The following SEZ6 variants were observed in gnomAD, a reference collection of about 807,000 sequenced individuals.
SEZ6 encodes seizure protein 6 homolog.
Under a neutral mutation model 101.0 loss-of-function variants are expected in SEZ6, and 53 were observed. The observed-to-expected ratio is 0.52, with a 90% CI of 0.42 to 0.66. SEZ6 has a LOEUF of 0.66. SEZ6 is among the 30% of genes least tolerant of loss of function. The probability of loss-of-function intolerance (pLI) is 0.00; values close to 1 mark genes in which losing one functional copy is unlikely to be tolerated. For synonymous variants in SEZ6, 488 were observed against 512.2 expected, an observed-to-expected ratio of 0.95 and a Z score of 0.64; for missense variants, 1,102 against 1,289.4, an observed-to-expected ratio of 0.85 and a Z score of 2.23.
chr17:28,962,175 C>T (rs2040987788), intron 5 of SEZ6, among the ~76,000 whole-genome samples: 1 of 152,210 alleles, frequency 6.6e-6, no homozygotes, highest in Non-Finnish European at 1.5e-5. Context: ...TGTGTGCTCA[C>T]TATCTTGTGC....
At chr17:28,976,870 A>G (rs995933606) in intron 3 of SEZ6, among the ~76,000 whole-genome samples, 12 of 151,822 alleles carry the variant, frequency 7.9e-5, no homozygotes, top group African/African-American at 2.9e-4. Flanking sequence ...AGGTGTCATC[A>G]CCTCCAGGAA....
At chr17:29,001,034 C>T (rs2052949069) in intron 1 of SEZ6, among the ~76,000 whole-genome samples, 1 of 152,112 alleles carries the variant, frequency 6.6e-6, no homozygotes, top group Non-Finnish European at 1.5e-5. Context: ...CCCTGAGCCA[C>T]CTCAGGCTGA....
At chr17:28,966,667 G>A (rs974578648) in intron 4 of SEZ6, among the ~76,000 whole-genome samples, 7 of 152,160 alleles carry the variant, frequency 4.6e-5, no homozygotes, top group African/African-American at 1.4e-4. Context: ...GATGGTATCA[G>A]GTAAATGGGA....
chr17:28,964,217 G>T, intron 4 of SEZ6, 70 bp from the exon 5 acceptor site: 1 of 1,484,778 alleles, frequency 6.7e-7, no homozygotes, highest in South Asian at 1.3e-5. Flanking sequence ...CATTGGTTGG[G>T]GGAGGTCTGC....
intron 4 of SEZ6, among the ~76,000 whole-genome samples, chr17:28,967,203 A>G (rs1041347157): frequency 1.3e-5 from 2 of 152,188 alleles, no homozygotes; most frequent in South Asian, 4.1e-4. Context: ...ATAGCACCTC[A>G]CATCTACATG....
chr17:28,981,758 G>C lies in SEZ6; in HGVS notation c.337C>G (p.Gln113Glu). The C allele has an allele frequency of 6.2e-7, 1 of 1,611,432 alleles. No homozygotes were observed. Among genetic ancestry groups the C allele is most frequent in the Non-Finnish European group, 8.5e-7 (1 of 1,177,958 alleles). ...CTGGTAAAGACAGGGCGGCTGTCCT[G>C]GTTGGCCAGGCGGGGAAGGGGACTT... is the stretch of plus-strand genomic sequence containing the variant. Reference protein sequence around the residue: ...TPSPLPRLANQDSRPVFTSPT... With the variant: ...TPSPLPRLANEDSRPVFTSPT... Residue 113 changes from glutamine to glutamate, a missense_variant, in exon 2 of 17, where the codon CAG (glutamine) becomes GAG (glutamate). By Grantham distance (29) the Gln-to-Glu change is conservative (BLOSUM62 2). Coordinates refer to ENST00000317338, the MANE Select transcript of SEZ6 (RefSeq NM_178860.5).
At chr17:28,964,283 A>G (rs2041029799) in intron 4 of SEZ6, 136 bp from the exon 5 acceptor site, 2 of 872,590 alleles carry the variant, frequency 2.3e-6, no homozygotes. Flanking sequence ...GAGTTCCAAA[A>G]CAACTCCAAT....
chr17:28,979,709 C>A lies in SEZ6; in HGVS notation c.829G>T (p.Val277Phe). Residue 277 changes from valine to phenylalanine, a missense_variant, in exon 3 of 17, where the codon GTC becomes TTC. By Grantham distance (50) the Val-to-Phe change is conservative. Transcript: ENST00000317338. Reference sequence around the variant, plus strand: ...ATTTCCACGCCATAGCCAGGGTAGACAGAGATGTAGAAGAAGCAGTCCAGG... The same window carrying A: ...ATTTCCACGCCATAGCCAGGGTAGAAAGAGATGTAGAAGAAGCAGTCCAGG... ...VGLDCFFYISVYPGYGVEIKV... is the reference protein window; with the variant it reads ...VGLDCFFYISFYPGYGVEIKV... 1 of 1,614,002 alleles carries A rather than the reference C, an allele frequency of 6.2e-7. No homozygotes were observed. The highest frequency in any genetic ancestry group is 8.5e-7 in the Non-Finnish European group (1 of 1,179,888).
At chr17:28,986,793 T>C (rs2041390844) in intron 1 of SEZ6, among the ~76,000 whole-genome samples, 1 of 152,226 alleles carries the variant, frequency 6.6e-6, no homozygotes, top group Non-Finnish European at 1.5e-5. Context: ...CAAGCCTCTG[T>C]CTGCTCATCT....
chr17:29,001,701 G>C (rs971875156), intron 1 of SEZ6, among the ~76,000 whole-genome samples: 7 of 152,162 alleles, frequency 4.6e-5, no homozygotes, highest in African/African-American at 1.7e-4. Flanking sequence ...TGGCTGGGTG[G>C]GTCGGCTTCC....
At chr17:28,980,327 T>A (rs1182306839) in intron 2 of SEZ6, among the ~76,000 whole-genome samples, 1 of 151,438 alleles carries the variant, frequency 6.6e-6, no homozygotes, top group Non-Finnish European at 1.5e-5. Flanking sequence ...CCTGCTCAGC[T>A]TCCCGAGTAG....
chr17:28,974,857 A>G (rs1358524039), intron 3 of SEZ6, among the ~76,000 whole-genome samples: 6 of 152,232 alleles, frequency 3.9e-5, no homozygotes, highest in Admixed American at 6.5e-5. Flanking sequence ...TGTGCCACAG[A>G]CAGGCCTATC....
At chr17:28,994,427 C>T (rs1389476058) in intron 1 of SEZ6, among the ~76,000 whole-genome samples, 4 of 152,154 alleles carry the variant, frequency 2.6e-5, no homozygotes, top group Non-Finnish European at 4.4e-5. Context: ...AGGCGCCTGC[C>T]ATAGTGCCCG....
chr17:28,969,644 ACTAGCCCCTCT>A (rs1054725895), intron 4 of SEZ6, 102 bp downstream of exon 4: 11 of 1,008,058 alleles, frequency 1.1e-5, no homozygotes, highest in Middle Eastern at 3.2e-4. Context: ...GCTATGTGTC[ACTAGCCCCTCT>A]CTGCTCCTTC....
rs1412326110 is a variant in SEZ6, at chr17:28,960,547, C to T, written c.1534G>A (p.Asp512Asn). The T allele has an allele frequency of 6.3e-7, 1 of 1,593,498 alleles. No homozygotes were observed. Among genetic ancestry groups the T allele is most frequent in the South Asian group, 1.1e-5 (1 of 87,464 alleles). Residue 512 changes from aspartate (D) to asparagine (N), a missense_variant, in exon 7 of 17, where the codon GAC (aspartate) becomes AAC (asparagine). Asp to Asn is a conservative substitution (Grantham distance 23). Coordinates refer to ENST00000317338, the MANE Select transcript of SEZ6 (RefSeq NM_178860.5). Reference protein sequence around the residue: ...GKHFFVELSTDSSGAAAGMAL... With the variant: ...GKHFFVELSTNSSGAAAGMAL... Reference sequence around the variant, plus strand: ...ATGCCTGCAGCTGCCCCGCTGCTGTCAGTACTGAGCTCAACAAAGAAGTGT... The same window carrying T: ...ATGCCTGCAGCTGCCCCGCTGCTGTTAGTACTGAGCTCAACAAAGAAGTGT...
rs549301905 is a variant in SEZ6 at position 28,956,206 on chromosome 17, G to A, written c.2905C>T (p.Arg969Cys). ...LPRPRPRPYN[R>C]ITIESAFDNP... ...TCAAACGCTGACTCTATGGTAATGC[G>A]GTTGTAGGGGCGGGGGCGGGGGCGG... Residue 969 changes from arginine to cysteine, a missense_variant, in exon 16 of 17, where the codon CGC (arginine) becomes TGC (cysteine). Physicochemically the swap from Arg to Cys is radical, Grantham distance 180. This residue lies in a region of SEZ6 where 140 missense variants were observed against 135.7 expected (regional missense o/e 1.03). Transcript: ENST00000317338. The A allele has an allele frequency of 1.1e-5, 13 of 1,217,618 alleles. No individual in the cohort carries two copies. Among genetic ancestry groups the A allele is most frequent in the Admixed American group, 5.8e-5 (3 of 51,572 alleles). 75.4% of individuals were successfully genotyped at this position (1,217,618 alleles called of 1,614,324 possible).
At chr17:28,963,859 C>T (rs769905760) in intron 5 of SEZ6, 103 bp downstream of exon 5, 2 of 1,422,252 alleles carry the variant, frequency 1.4e-6, no homozygotes, top group Non-Finnish European at 1.9e-6. Flanking sequence ...TTCTGGCTTC[C>T]TTATGAAGAG....
At chr17:28,977,465 C>A (rs1249256663) in intron 3 of SEZ6, among the ~76,000 whole-genome samples, 1 of 152,244 alleles carries the variant, frequency 6.6e-6, no homozygotes, top group African/African-American at 2.4e-5. Flanking sequence ...GACAGCAATC[C>A]AGGGCTGTGG....
chr17:28,981,426 C>T lies in SEZ6; in HGVS notation c.669G>A (p.Glu223=). 1 of 1,556,434 alleles carries T rather than the reference C, an allele frequency of 6.4e-7. No individual in the cohort carries two copies. Among genetic ancestry groups the T allele is most frequent in the Non-Finnish European group, 8.7e-7 (1 of 1,149,552 alleles). ...TGATGATGGTGGTGGTAGTGGTGGT[C>T]TCCTCATCATCTCCTGAAGCTGTGG... ...TSSTASGDDE[E]TTTTTTIITT... Residue 223 remains glutamate, a synonymous_variant, in exon 2 of 17, where the codon GAG becomes GAA. Coordinates refer to ENST00000317338, the MANE Select transcript of SEZ6 (RefSeq NM_178860.5).
Sources: allele counts gnomAD v4.1 joint callset (sites outside exome capture counted in the v4.1 genomes callset), GRCh38; gene constraint gnomAD v4.1.1; regional missense constraint gnomAD v4.1.1; transcripts MANE v1.5; gene names NCBI Gene and HGNC (gene_info 2026-07-23, HGNC 2026-07-21).